CSMD3: variants seen among roughly 807,000 people sequenced by gnomAD.
CSMD3 encodes CUB and Sushi multiple domains 3, also known as CUB and sushi domain-containing protein 3.
CSMD3 carries 177 observed loss-of-function variants against 435.2 expected under a neutral mutation model. The observed-to-expected ratio is 0.41, with a 90% CI of 0.36 to 0.46. CSMD3 has a LOEUF of 0.46. Ranked by LOEUF, CSMD3 falls within the 20% of genes least tolerant of loss-of-function variation. CSMD3 has a pLI of 0.34. For missense variants in CSMD3, 4,265 were observed against 4,504.6 expected (o/e 0.95, Z 1.52); for synonymous variants, 1,656 against 1,520.5 (o/e 1.09, Z -2.07).
intron 63 of CSMD3, among the ~76,000 whole-genome samples, chr8:112,247,965 T>C (rs1055977857): frequency 2.6e-5 from 4 of 152,134 alleles, no homozygotes; most frequent in African/African-American, 9.7e-5. Flanking sequence ...GTATATTAGA[T>C]TGATTGGCAT....
chr8:112,342,989 ATATATATATATT>A (rs1218159251), intron 41 of CSMD3, among the ~76,000 whole-genome samples: 63 of 40,078 alleles, frequency 1.6e-3, no homozygotes, highest in African/African-American at 2.5e-3. Flanking sequence ...ATATATATTT[ATATATATATATT>A]TATATATATA....
chr8:113,214,355 A>T (rs533358850), intron 3 of CSMD3, among the ~76,000 whole-genome samples: 168 of 152,062 alleles, frequency 1.1e-3, no homozygotes, highest in African/African-American at 3.9e-3. Context: ...GATATAGGTT[A>T]TTGGGTTCAT....
chr8:112,747,995 A>T (rs2077480049), intron 13 of CSMD3, among the ~76,000 whole-genome samples: 1 of 149,542 alleles, frequency 6.7e-6, no homozygotes. Context: ...AACAGGCATC[A>T]GGCCATATTA....
chr8:112,987,996 T>C (rs1325079530), intron 6 of CSMD3, among the ~76,000 whole-genome samples: 2 of 151,934 alleles, frequency 1.3e-5, no homozygotes, highest in African/African-American at 4.8e-5. Flanking sequence ...CTAAGGAAAA[T>C]AGAAGGGTCT....
chr8:112,255,408 A>T lies in CSMD3; in HGVS notation c.9882T>A (p.Pro3294=), dbSNP rs1815684394. The part of the protein sequence containing the change: ...PQCLPKFCGD[P]GIPAQGKREG... ...CTCTTTTTCCTTGGGCAGGTATACC[A>T]GGGTCACCACAAAACTTTGCTGGAA... The change falls in exon 62 of 71, where the codon CCT becomes CCA. Residue 3294 remains proline (P), a synonymous_variant. Coordinates refer to ENST00000297405, the MANE Select transcript of CSMD3 (RefSeq NM_198123.2). 6.2e-7 allele frequency: 1 copy of T among 1,613,682 alleles called. No homozygotes were observed. Among genetic ancestry groups the T allele is most frequent in the Non-Finnish European group, 8.5e-7 (1 of 1,179,754 alleles).
chr8:113,327,021 A>G (rs1377347725), intron 1 of CSMD3, among the ~76,000 whole-genome samples: 1 of 152,238 alleles, frequency 6.6e-6, no homozygotes, highest in African/African-American at 2.4e-5. Context: ...TATGTCAAAC[A>G]TAATTGGATA....
At chr8:112,629,547 G>A (rs895589557) in intron 22 of CSMD3, among the ~76,000 whole-genome samples, 1 of 152,160 alleles carries the variant, frequency 6.6e-6, no homozygotes, top group African/African-American at 2.4e-5. Context: ...ATAGAAAATG[G>A]TTGGCATGTT....
At chr8:112,267,629 A>G (rs1390065635) in intron 59 of CSMD3, among the ~76,000 whole-genome samples, 5 of 152,156 alleles carry the variant, frequency 3.3e-5, no homozygotes, top group Admixed American at 3.3e-4. Context: ...TGCTTTCCAG[A>G]CTGCATTAGA....
At chr8:113,357,237 T>C (rs1431786400) in intron 1 of CSMD3, among the ~76,000 whole-genome samples, 2 of 152,218 alleles carry the variant, frequency 1.3e-5, no homozygotes, top group Admixed American at 1.3e-4. Context: ...GATTATATTG[T>C]TTAGCCCTTT....
chr8:112,452,434 A>T (rs886641559), intron 32 of CSMD3, among the ~76,000 whole-genome samples: 4 of 152,004 alleles, frequency 2.6e-5, no homozygotes, highest in African/African-American at 7.3e-5. Context: ...CATGTTGATT[A>T]AAAAAATTTA....
chr8:112,735,895 A>G (rs1263537516), intron 13 of CSMD3, among the ~76,000 whole-genome samples: 1 of 151,980 alleles, frequency 6.6e-6, no homozygotes, highest in East Asian at 1.9e-4. Flanking sequence ...AGACAAGTTC[A>G]ATGTAAATTC....
At chr8:112,695,807 T>C (rs988425297) in intron 13 of CSMD3, among the ~76,000 whole-genome samples, 7 of 152,168 alleles carry the variant, frequency 4.6e-5, no homozygotes, top group Non-Finnish European at 8.8e-5. Context: ...TGTTTGCAGA[T>C]GACATGATTG....
chr8:113,396,102 T>TA (rs938695285), intron 1 of CSMD3, among the ~76,000 whole-genome samples: 2 of 152,232 alleles, frequency 1.3e-5, no homozygotes, highest in Non-Finnish European at 2.9e-5. Context: ...TTACTTCCTC[T>TA]AAAAAAACTC....
chr8:113,317,431 C>A (rs60395540), intron 1 of CSMD3, among the ~76,000 whole-genome samples: 1 of 152,280 alleles, frequency 6.6e-6, no homozygotes, highest in East Asian at 1.9e-4. Flanking sequence ...CTTAAAATAA[C>A]ATGCTCAGCT....
intron 13 of CSMD3, among the ~76,000 whole-genome samples, chr8:112,717,179 G>T (rs1311987078): frequency 6.6e-6 from 1 of 151,732 alleles, no homozygotes; most frequent in Non-Finnish European, 1.5e-5. Context: ...ATCTGACAAA[G>T]GTCTAATATC....
At chr8:112,490,545 C>T (rs16883758) in intron 31 of CSMD3, among the ~76,000 whole-genome samples, 2,640 of 152,142 alleles carry the variant, frequency 0.017, 79 homozygotes, top group African/African-American at 0.06. Flanking sequence ...CTGACTTTTT[C>T]ACCTGTCATT....
chr8:112,393,091 G>A (rs1314919351), intron 35 of CSMD3, among the ~76,000 whole-genome samples: 2 of 152,026 alleles, frequency 1.3e-5, no homozygotes, highest in South Asian at 2.1e-4. Flanking sequence ...CAGGATCTGT[G>A]TTGCTCAGGC....
At position 113,193,917 on chromosome 8, in the gene CSMD3, T is replaced by C. The variant is rs187326515; in HGVS notation, c.515-20001A>G. Among the ~76,000 whole-genome samples, 253 of 151,524 alleles carry C rather than the reference T, an allele frequency of 1.7e-3. 1 individual carries two copies. Among genetic ancestry groups the C allele is most frequent in the Middle Eastern group, 3.4e-3 (1 of 294 alleles). On this transcript the variant is annotated intron_variant, in intron 3 of 70. Coordinates refer to ENST00000297405, the MANE Select transcript of CSMD3 (RefSeq NM_198123.2). ...TGGAGTTATTATTTAGCAAATGTAT[T>C]GAATATGCCTGCAAATAAGACTCAT... is the stretch of plus-strand genomic sequence containing the variant.
chr8:112,244,668 G>T, intron 64 of CSMD3, 95 bp from the exon 65 acceptor site: 1 of 818,430 alleles, frequency 1.2e-6, no homozygotes, highest in Non-Finnish European at 2.1e-6. Context: ...ATACTTCAAT[G>T]CCTTTATATA....
Sources: allele counts gnomAD v4.1 joint callset (sites outside exome capture counted in the v4.1 genomes callset), GRCh38; gene constraint gnomAD v4.1.1; transcripts MANE v1.5; gene names NCBI Gene and HGNC (gene_info 2026-07-23, HGNC 2026-07-21).